Variants in LUC7L observed in about 807,000 individuals in gnomAD.
LUC7L encodes the protein LUC7 like, also known as putative RNA-binding protein Luc7-like 1.
A neutral mutation model predicts 51.1 loss-of-function variants in LUC7L; 29 were observed. That is an observed-to-expected ratio of 0.57 (90% CI 0.42 to 0.77). The LOEUF is 0.77. Ranked by LOEUF, LUC7L falls within the 30% of genes least tolerant of loss-of-function variation. The pLI is 0.00. For missense variants in LUC7L, 403 were observed against 511.9 expected (o/e 0.79, Z 2.05); for synonymous variants, 181 against 180.7 (o/e 1.00, Z -0.01).
chr16:204,509 G>A (rs2142068242), intron 5 of LUC7L, among the ~76,000 whole-genome samples: 1 of 151,782 alleles, frequency 6.6e-6, no homozygotes, highest in East Asian at 1.9e-4. Context: ...CAGGAGAATG[G>A]TGTGAACCGA....
chr16:215,819 G>A (rs999989425), intron 3 of LUC7L, among the ~76,000 whole-genome samples: 3 of 151,674 alleles, frequency 2.0e-5, no homozygotes, highest in Non-Finnish European at 2.9e-5. Context: ...AAAAAACATC[G>A]ACAGTGTCTT....
At chr16:228,933 T>A (rs1457758203) in intron 1 of LUC7L, 1 of 1,385,364 alleles carries the variant, frequency 7.2e-7, no homozygotes, top group Admixed American at 2.2e-5. Context: ...GCCAGCGACC[T>A]GGAGCCCACG....
chr16:220,011 T>C lies in LUC7L; in HGVS notation c.255+638A>G, dbSNP rs2049921942. ...TAAACAGTCTGATAATACAAAGTGT[T>C]GGTGAGCGTGCAGACACTGCTATGG... is the stretch of plus-strand genomic sequence containing the variant. On this transcript the variant is annotated intron_variant, in intron 3 of 9. Coordinates refer to ENST00000293872, the MANE Select transcript of LUC7L (RefSeq NM_201412.3). 1.3e-5 allele frequency among the ~76,000 whole-genome samples: 2 copies of C among 152,208 alleles called. 1 individual carries two copies. Among genetic ancestry groups the C allele is most frequent in the South Asian group, 4.1e-4 (2 of 4,834 alleles).
In LUC7L at chr16:199,027, A is replaced by G. The variant is rs371294667; in HGVS notation, c.687+35T>C. ...TAAAGAAATGTGAAAACACCCCAAG[A>G]CTCCTCAGCTTTCTCCAGAAACAGA... On this transcript the variant is annotated intron_variant, in intron 6 of 9. Coordinates refer to ENST00000293872, the MANE Select transcript of LUC7L (RefSeq NM_201412.3). 8.7e-5 allele frequency: 135 copies of G among 1,560,218 alleles called. No homozygotes were observed. In the African/African-American group the frequency reaches 1.7e-3, roughly 20 times the overall value.
At chr16:220,438 G>T (rs1261586237) in intron 3 of LUC7L, 2 of 482,172 alleles carry the variant, frequency 4.1e-6, no homozygotes, top group Middle Eastern at 5.2e-4. Context: ...AACAAAATGA[G>T]ATAACACATA....
chr16:189,319 G>C lies in LUC7L; in HGVS notation c.995C>G (p.Ser332Cys). The change falls in exon 10 of 10, where the codon TCC (serine) becomes TGC (cysteine). Residue 332 changes from serine to cysteine, a missense_variant. Physicochemically the swap from Ser to Cys is moderately radical, Grantham distance 112. Coordinates refer to ENST00000293872, the MANE Select transcript of LUC7L (RefSeq NM_201412.3). Reference sequence around the variant, plus strand: ...CCCGCTCTCCCAGGACTCCTCTCTGGATGCCCGCTCTCTGGAGAACCTGGG... The same window carrying C: ...CCCGCTCTCCCAGGACTCCTCTCTGCATGCCCGCTCTCTGGAGAACCTGGG... ...AKYKFSRERASREESWESGRS... is the reference protein window; with the variant it reads ...AKYKFSRERACREESWESGRS... 1 of 1,612,014 alleles carries C rather than the reference G, an allele frequency of 6.2e-7. No individual in the cohort carries two copies. Among genetic ancestry groups the C allele is most frequent in the Admixed American group, 1.7e-5 (1 of 59,882 alleles).
rs1215508427 is a variant in LUC7L at position 228,761 on chromosome 16, A to G, written c.61+518T>C. 60 of 1,275,166 alleles carry G rather than the reference A, an allele frequency of 4.7e-5. No homozygotes were observed. The Middle Eastern group carries it at 1.9e-3, about 41-fold the overall frequency. 79.0% of individuals were successfully genotyped at this position (1,275,166 alleles called of 1,614,324 possible). On this transcript the variant is annotated intron_variant, in intron 1 of 9. Coordinates refer to ENST00000293872, the MANE Select transcript of LUC7L (RefSeq NM_201412.3). ...TCCTGTGTGCTGGGGGGAAGGGGGC[A>G]GCTGGAAAAGTACTTGGCAGAAACC...
chr16:225,556 G>A (rs2043998128), intron 2 of LUC7L, among the ~76,000 whole-genome samples: 2 of 137,190 alleles, frequency 1.5e-5, no homozygotes, highest in South Asian at 2.3e-4. Context: ...GCTCGATCTC[G>A]GCTCACCACA....
At chr16:224,956 T>C (rs1371640561) in intron 2 of LUC7L, among the ~76,000 whole-genome samples, 2 of 152,230 alleles carry the variant, frequency 1.3e-5, no homozygotes, top group African/African-American at 4.8e-5. Context: ...TCTTTGGATG[T>C]AGCTTTTCAG....
rs561507896 is a variant in LUC7L, at chr16:197,255, G to A, written c.687+1807C>T. On this transcript the variant is annotated intron_variant, in intron 6 of 9. Coordinates refer to ENST00000293872, the MANE Select transcript of LUC7L (RefSeq NM_201412.3). ...TTGAGACGGAGTCTTGCTCTGTCTC[G>A]TAGGCTGGAGTGCAGTGGCACAATT... Among the ~76,000 whole-genome samples the A allele has an allele frequency of 4.4e-4, 52 of 118,804 alleles. 1 individual carries two copies. The highest frequency in any genetic ancestry group is 1.6e-3 in the Admixed American group (14 of 8,776). The allele number at this position is 118,804 out of a possible 152,430, so 77.9% of individuals were successfully genotyped here.
At chr16:196,436 C>A (rs67626956) in intron 6 of LUC7L, among the ~76,000 whole-genome samples, 78,278 of 150,214 alleles carry the variant, frequency 0.52, 20,755 homozygotes, top group Non-Finnish European at 0.59. Context: ...ACAAAAAAAA[C>A]CCAACAACTA....
At chr16:218,736 A>G (rs1245926705) in intron 3 of LUC7L, among the ~76,000 whole-genome samples, 2 of 151,832 alleles carry the variant, frequency 1.3e-5, no homozygotes, top group Non-Finnish European at 2.9e-5. Flanking sequence ...AACAGAAAAA[A>G]GAATCTTAAA....
intron 1 of LUC7L, chr16:228,839 G>A: frequency 1.5e-6 from 2 of 1,294,676 alleles, no homozygotes; most frequent in Non-Finnish European, 2.0e-6. Context: ...CAGAACCAGA[G>A]CGGGCCAGGT....
chr16:205,140 C>T (rs369437893), intron 5 of LUC7L, among the ~76,000 whole-genome samples: 12 of 152,268 alleles, frequency 7.9e-5, no homozygotes, highest in Non-Finnish European at 1.5e-4. Context: ...CATCTCTCTA[C>T]GGCGAATGCT....
intron 1 of LUC7L, 74 bp from the exon 2 acceptor site, chr16:227,410 T>A (rs549496391): frequency 1.5e-4 from 224 of 1,533,398 alleles, no homozygotes; most frequent in Non-Finnish European, 1.8e-4. Flanking sequence ...GTATAACAAT[T>A]CACCTGGATG....
chr16:196,906 C>CTTTT (rs34164641), intron 6 of LUC7L, among the ~76,000 whole-genome samples: 5 of 122,806 alleles, frequency 4.1e-5, no homozygotes, highest in African/African-American at 6.5e-5. Context: ...ACTTTTACAT[C>CTTTT]TTTTTTTTTT....
intron 1 of LUC7L, chr16:228,583 T>C (rs1179701967): frequency 3.4e-6 from 4 of 1,190,484 alleles, no homozygotes; most frequent in Non-Finnish European, 3.2e-6. Context: ...ACAACTTCAT[T>C]ACTCAGCAGA....
chr16:202,611 C>A (rs918962236), intron 5 of LUC7L, among the ~76,000 whole-genome samples: 2 of 152,198 alleles, frequency 1.3e-5, no homozygotes, highest in African/African-American at 4.8e-5. Context: ...ATACAGCCCA[C>A]ATGGCTATAC....
chr16:218,229 T>A (rs946489149), intron 3 of LUC7L, among the ~76,000 whole-genome samples: 3 of 151,858 alleles, frequency 2.0e-5, no homozygotes, highest in African/African-American at 7.3e-5. Context: ...GTAAAACGTA[T>A]TGACATCTTG....
Sources: allele counts gnomAD v4.1 joint callset (sites outside exome capture counted in the v4.1 genomes callset), GRCh38; gene constraint gnomAD v4.1.1; transcripts MANE v1.5; gene names NCBI Gene and HGNC (gene_info 2026-07-23, HGNC 2026-07-21).